The following PRMT8 variants were observed in gnomAD, a reference collection of about 807,000 sequenced individuals.
PRMT8 encodes the protein protein arginine N-methyltransferase 8.
In PRMT8, 7 loss-of-function variants were observed where a neutral mutation model predicts 47.1. The observed-to-expected ratio is 0.15, with a 90% CI of 0.08 to 0.28. The LOEUF (loss-of-function observed/expected upper bound fraction) is 0.28, where lower values mean the gene tolerates loss of function less well. Ranked by LOEUF, PRMT8 falls within the 10% of genes least tolerant of loss-of-function variation. PRMT8 has a pLI of 1.00. For synonymous variants in PRMT8, 188 were observed against 186.5 expected (o/e 1.01, Z -0.07); for missense variants, 237 against 505.4 (o/e 0.47, Z 5.09).
At position 3,471,014 on chromosome 12, in the gene PRMT8, A is replaced by G. The variant is rs76988137; in HGVS notation, c.49-69592A>G. Among the ~76,000 whole-genome samples the G allele has an allele frequency of 7.2e-3, 1,098 of 152,250 alleles. 12 individuals are homozygous for G. The highest frequency in any genetic ancestry group is 0.024 in the African/African-American group (1,005 of 41,528). On this transcript the variant is annotated intron_variant, in intron 1 of 9. Coordinates refer to the PRMT8 transcript ENST00000452611. ...GAAGCTGGGGGTTGAAAATGAAGAG[A>G]TGGTGACACGTGTCTAAAGCTCTAG...
intron 1 of PRMT8, among the ~76,000 whole-genome samples, chr12:3,429,199 G>A (rs1406103991): frequency 6.6e-6 from 1 of 152,168 alleles, no homozygotes; most frequent in African/African-American, 2.4e-5. Flanking sequence ...ACAGGAACTG[G>A]TCTGGGTGCC....
chr12:3,426,190 C>G (rs1483054624), intron 1 of PRMT8, among the ~76,000 whole-genome samples: 1 of 152,224 alleles, frequency 6.6e-6, no homozygotes, highest in Non-Finnish European at 1.5e-5. Context: ...GGGCCTCTGG[C>G]CTGCTGTGCG....
rs17852024 is a variant in PRMT8 at position 3,576,909 on chromosome 12, C to A, written c.751C>A (p.Arg251=). ...NVYGFDMTCI[R]DVAMKEPLVD... is the part of the protein sequence containing the mutation. ...CTATGGCTTTGACATGACCTGCATCCGGGACGTGGCCATGAAGGAGCCTCT... is the reference window on the plus strand; with the variant it reads ...CTATGGCTTTGACATGACCTGCATCAGGGACGTGGCCATGAAGGAGCCTCT... Residue 251 remains arginine (R), a synonymous_variant, in exon 7 of 10, where the codon CGG becomes AGG. Coordinates refer to ENST00000382622, the MANE Select transcript of PRMT8 (RefSeq NM_019854.5). The surrounding 1 kb of genome is among the most constrained non-coding windows in gnomAD (Gnocchi z 4.0). The A allele has an allele frequency of 7.9e-5, 128 of 1,614,000 alleles. No individual in the cohort carries two copies. Among genetic ancestry groups the A allele is most frequent in the Non-Finnish European group, 1.0e-4 (120 of 1,180,018 alleles).
chr12:3,434,460 A>C (rs1211851813), intron 1 of PRMT8, among the ~76,000 whole-genome samples: 1 of 152,184 alleles, frequency 6.6e-6, no homozygotes, highest in Non-Finnish European at 1.5e-5. Flanking sequence ...TCCTGAACAT[A>C]CTAATTTTAA....
intron 1 of PRMT8, among the ~76,000 whole-genome samples, chr12:3,506,666 A>G (rs2093880425): frequency 6.6e-6 from 1 of 152,126 alleles, no homozygotes. Flanking sequence ...AGCCTCATGG[A>G]GTTCCTACAG....
intron 1 of PRMT8, among the ~76,000 whole-genome samples, chr12:3,499,353 C>T (rs1166357072): frequency 5.4e-5 from 5 of 92,950 alleles, no homozygotes; most frequent in South Asian, 4.4e-4. Context: ...CCCCTCCCCC[C>T]GACCCCACCA....
chr12:3,457,931 C>T (rs578181792), intron 1 of PRMT8, among the ~76,000 whole-genome samples: 45 of 148,674 alleles, frequency 3.0e-4, no homozygotes, highest in African/African-American at 1.1e-3. Flanking sequence ...CAACCTCCAC[C>T]TCCCGGGTTC....
At chr12:3,536,952 A>G (rs1866128467) in intron 1 of PRMT8, among the ~76,000 whole-genome samples, 1 of 152,228 alleles carries the variant, frequency 6.6e-6, no homozygotes, top group South Asian at 2.1e-4. Flanking sequence ...GTCACTAAGG[A>G]CAGCATTGTC....
At chr12:3,435,829 T>C (rs1864735673) in intron 1 of PRMT8, among the ~76,000 whole-genome samples, 1 of 152,124 alleles carries the variant, frequency 6.6e-6, no homozygotes, top group Non-Finnish European at 1.5e-5. Context: ...CAACGTCGTG[T>C]GTTTTGAACC....
chr12:3,562,301 T>C (rs1866650536), intron 4 of PRMT8, among the ~76,000 whole-genome samples: 1 of 152,202 alleles, frequency 6.6e-6, no homozygotes, highest in Non-Finnish European at 1.5e-5. Context: ...AACAACCCAT[T>C]AATAATCTTC....
intron 2 of PRMT8, 145 bp from the exon 3 acceptor site, chr12:3,549,791 C>T: frequency 1.2e-6 from 1 of 833,156 alleles, no homozygotes; most frequent in Non-Finnish European, 1.9e-6. Flanking sequence ...CCCAGCTACC[C>T]CAGTTTTGTC....
intron 1 of PRMT8, among the ~76,000 whole-genome samples, chr12:3,516,973 A>T (rs1865802633): frequency 6.6e-6 from 1 of 152,196 alleles, no homozygotes; most frequent in African/African-American, 2.4e-5. Context: ...ATTGCAATGC[A>T]TTGTGGGCTG....
In PRMT8 at chr12:3,570,324, T is replaced by C. The variant is rs1201997392; in HGVS notation, c.712+760T>C. On this transcript the variant is annotated intron_variant, in intron 6 of 9. Transcript: ENST00000382622. This position sits in a 1 kb window ranked among gnomAD's most constrained non-coding sequence, Gnocchi z 5.5. ...GACACAGGCCTGATCCTTAATGAGA[T>C]TATACCAAACATGTTTTTGTAAAGT... Among the ~76,000 whole-genome samples, 2 of 152,192 alleles carry C rather than the reference T, an allele frequency of 1.3e-5. No individual in the cohort carries two copies. The highest frequency in any genetic ancestry group is 2.9e-5 in the Non-Finnish European group (2 of 68,028).
At chr12:3,403,661 T>C in intron 1 of PRMT8, among the ~76,000 whole-genome samples, 1 of 151,860 alleles carries the variant, frequency 6.6e-6, no homozygotes, top group East Asian at 1.9e-4. Flanking sequence ...GGCAGATCAC[T>C]TGAGCTCAGG....
chr12:3,515,244 T>C (rs12317007), intron 1 of PRMT8, among the ~76,000 whole-genome samples: 21 of 152,220 alleles, frequency 1.4e-4, no homozygotes, highest in Admixed American at 3.9e-4. Context: ...GATTGCTAGC[T>C]GCTCACATGT....
At chr12:3,520,129 G>T (rs1865858256) in intron 1 of PRMT8, among the ~76,000 whole-genome samples, 1 of 152,184 alleles carries the variant, frequency 6.6e-6, no homozygotes, top group African/African-American at 2.4e-5. Context: ...AGGAGGAAAA[G>T]CCACTGAGTC....
At chr12:3,420,201 ACT>A (rs151074859) in intron 1 of PRMT8, among the ~76,000 whole-genome samples, 9 of 148,818 alleles carry the variant, frequency 6.0e-5, no homozygotes, top group Non-Finnish European at 1.0e-4. Context: ...CAGACTCAAA[ACT>A]CTCTCTCTCT....
At position 3,538,102 on chromosome 12, in the gene PRMT8, T is replaced by C. The variant is rs10848876; in HGVS notation, c.76-2504T>C. ...AAACAAACTCACTGCTCTCCCGCCTTTTGGTTGCTCAAGCCGTCTCTTCCT... is the reference window on the plus strand; with the variant it reads ...AAACAAACTCACTGCTCTCCCGCCTCTTGGTTGCTCAAGCCGTCTCTTCCT... On this transcript the variant is annotated intron_variant, in intron 1 of 9. Transcript: ENST00000382622. This position sits in a 1 kb window ranked among gnomAD's most constrained non-coding sequence, Gnocchi z 4.6. 0.25 allele frequency: 38,529 copies of C among 152,376 alleles called. 5,162 individuals are homozygous for C. The highest frequency in any genetic ancestry group is 0.5 in the East Asian group (2,581 of 5,172). The allele number at this position is 152,376 out of a possible 1,614,324, so 9.4% of individuals were successfully genotyped here.
At chr12:3,477,226 A>G (rs977892803) in intron 1 of PRMT8, among the ~76,000 whole-genome samples, 3 of 152,250 alleles carry the variant, frequency 2.0e-5, no homozygotes, top group African/African-American at 7.2e-5. Context: ...TGGGACTAAA[A>G]TATTAGAGGA....
Sources: allele counts gnomAD v4.1 joint callset (sites outside exome capture counted in the v4.1 genomes callset), GRCh38; gene constraint gnomAD v4.1.1; non-coding constraint Gnocchi (gnomAD v3.1); transcripts MANE v1.5; gene names NCBI Gene and HGNC (gene_info 2026-07-23, HGNC 2026-07-21).